Variants in PELI2 observed in about 807,000 individuals in gnomAD.
The protein encoded by PELI2 is pellino E3 ubiquitin protein ligase family member 2.
PELI2 carries 23 observed loss-of-function variants against 42.3 expected under a neutral mutation model. That is an observed-to-expected ratio of 0.54 (90% CI 0.39 to 0.77). PELI2 has a LOEUF of 0.77. Among genes scored for constraint, PELI2 ranks in the 30% least tolerant of loss-of-function variants. PELI2 has a pLI of 0.00. For synonymous variants in PELI2, 245 were observed against 212.2 expected (o/e 1.15, Z -1.34); for missense variants, 463 against 553.2 (o/e 0.84, Z 1.64).
chr14:56,292,776 A>G, intron 5 of PELI2: 1 of 978,716 alleles, frequency 1.0e-6, no homozygotes, highest in Non-Finnish European at 1.2e-6. Flanking sequence ...AATATGGGGG[A>G]AATGTCTTTT....
At chr14:56,158,525 A>G (rs1426119930) in intron 1 of PELI2, among the ~76,000 whole-genome samples, 1 of 151,436 alleles carries the variant, frequency 6.6e-6, no homozygotes, top group African/African-American at 2.4e-5. Context: ...TATTTTATTT[A>G]TTTACTTTTT....
chr14:56,294,769 C>G (rs1889945151), intron 5 of PELI2, among the ~76,000 whole-genome samples: 1 of 152,170 alleles, frequency 6.6e-6, no homozygotes, highest in Non-Finnish European at 1.5e-5. Flanking sequence ...ATTACCACCA[C>G]CGATACTCTG....
intron 4 of PELI2, among the ~76,000 whole-genome samples, chr14:56,289,139 A>G (rs1311362929): frequency 1.3e-5 from 2 of 152,218 alleles, no homozygotes; most frequent in Admixed American, 6.5e-5. Flanking sequence ...ATCCAGGTTT[A>G]ACATAGTTTC....
At chr14:56,231,346 A>T (rs1162660097) in intron 2 of PELI2, among the ~76,000 whole-genome samples, 1 of 152,186 alleles carries the variant, frequency 6.6e-6, no homozygotes, top group Non-Finnish European at 1.5e-5. Flanking sequence ...AAAACTGACC[A>T]CATAGCTGGA....
At chr14:56,236,583 A>G (rs1264616808) in intron 2 of PELI2, among the ~76,000 whole-genome samples, 1 of 152,052 alleles carries the variant, frequency 6.6e-6, no homozygotes, top group Admixed American at 6.6e-5. Flanking sequence ...CTCATGGTGC[A>G]TTGGTTTTTG....
intron 1 of PELI2, among the ~76,000 whole-genome samples, chr14:56,171,355 A>G (rs1885162219): frequency 1.3e-5 from 2 of 152,136 alleles, no homozygotes. Flanking sequence ...CCACCATGGG[A>G]TGAAACATCT....
rs1046307054 is a variant in PELI2, at chr14:56,156,123, A to G, written c.78-22212A>G. ...AAATATTGTTTTATTCTTGGTTCTT[A>G]AAAACAGTAATCTGGAATAATAAAG... On this transcript the variant is annotated intron_variant, in intron 1 of 5. Transcript: ENST00000267460. Among the ~76,000 whole-genome samples the G allele has an allele frequency of 2.0e-5, 3 of 152,168 alleles. No homozygotes were observed. The East Asian group carries it at 5.8e-4, about 29-fold the overall frequency.
intron 1 of PELI2, among the ~76,000 whole-genome samples, chr14:56,127,763 T>C (rs914055609): frequency 6.6e-6 from 1 of 152,192 alleles, no homozygotes; most frequent in South Asian, 2.1e-4. Context: ...CTTCTGAAAT[T>C]TCCCCAGATT....
intron 2 of PELI2, among the ~76,000 whole-genome samples, chr14:56,187,293 T>C (rs1289115622): frequency 1.3e-5 from 2 of 152,180 alleles, no homozygotes; most frequent in Non-Finnish European, 2.9e-5. Flanking sequence ...GAATATGATA[T>C]TTGCCAATAA....
rs547089321 is a variant in PELI2 at position 56,239,640 on chromosome 14, G to A, written c.208-40036G>A. 1.1e-4 allele frequency among the ~76,000 whole-genome samples: 17 copies of A among 152,240 alleles called. No homozygotes were observed. In the East Asian group the frequency reaches 2.7e-3, roughly 24 times the overall value. On this transcript the variant is annotated intron_variant, in intron 2 of 5. Transcript: ENST00000267460. ...TAAGCCTCCTGTTTATCCTGTTTGT[G>A]GATATGCATACAGACTAGACTGGAG...
At chr14:56,121,938 A>G (rs1163549355) in intron 1 of PELI2, among the ~76,000 whole-genome samples, 2 of 152,220 alleles carry the variant, frequency 1.3e-5, no homozygotes, top group Non-Finnish European at 2.9e-5. Flanking sequence ...GTGCGTAAAA[A>G]CAGAATGTTT....
At chr14:56,119,075 C>G (rs1279170697) in intron 1 of PELI2, 1 of 151,796 alleles carries the variant, frequency 6.6e-6, no homozygotes, top group South Asian at 2.1e-4. Flanking sequence ...TCCCGCGCGC[C>G]GCGTCCGGGC....
chr14:56,292,751 C>T (rs1889872954), intron 5 of PELI2: 8 of 977,208 alleles, frequency 8.2e-6, no homozygotes, highest in Non-Finnish European at 9.7e-6. Flanking sequence ...GTGTACTAAT[C>T]AACAAAATTA....
chr14:56,251,521 G>A lies in PELI2; in HGVS notation c.208-28155G>A, dbSNP rs540345441. Among the ~76,000 whole-genome samples the A allele has an allele frequency of 4.6e-5, 7 of 152,296 alleles. No homozygotes were observed. In the South Asian group the frequency reaches 1.4e-3, roughly 32 times the overall value. On this transcript the variant is annotated intron_variant, in intron 2 of 5. Transcript: ENST00000267460. Reference sequence around the variant, plus strand: ...TTGATCCTTGCAGCAGTTCGTTATTGTTACCCTGTTGGTTGATTGTTGTGA... The same window carrying A: ...TTGATCCTTGCAGCAGTTCGTTATTATTACCCTGTTGGTTGATTGTTGTGA...
chr14:56,218,930 G>T (rs1258601279), intron 2 of PELI2, among the ~76,000 whole-genome samples: 1 of 152,110 alleles, frequency 6.6e-6, no homozygotes, highest in Non-Finnish European at 1.5e-5. Context: ...GAAGGGGTTG[G>T]TCATGTAATG....
At chr14:56,145,564 T>C (rs1884083775) in intron 1 of PELI2, among the ~76,000 whole-genome samples, 1 of 152,228 alleles carries the variant, frequency 6.6e-6, no homozygotes, top group African/African-American at 2.4e-5. Context: ...TTAGGTTTTA[T>C]ACCTTTGAGA....
chr14:56,283,318 A>G (rs1049700360), intron 3 of PELI2, among the ~76,000 whole-genome samples: 1 of 152,210 alleles, frequency 6.6e-6, no homozygotes, highest in African/African-American at 2.4e-5. Flanking sequence ...CTCAAGATTT[A>G]ATAAAGTTCA....
chr14:56,248,900 T>G (rs545081962), intron 2 of PELI2, among the ~76,000 whole-genome samples: 1 of 152,144 alleles, frequency 6.6e-6, no homozygotes, highest in Non-Finnish European at 1.5e-5. Context: ...GAGGATATCA[T>G]GTTTCTTCTT....
intron 2 of PELI2, among the ~76,000 whole-genome samples, chr14:56,274,303 G>A (rs1889214330): frequency 6.6e-6 from 1 of 152,144 alleles, no homozygotes; most frequent in Admixed American, 6.5e-5. Context: ...TATAGAGCTT[G>A]AATTAAATGG....
Sources: gnomAD v4.1 joint callset for allele counts (sites outside exome capture counted in the v4.1 genomes callset) on GRCh38, gnomAD v4.1.1 for gene constraint, MANE v1.5 for transcripts, NCBI Gene and HGNC (gene_info 2026-07-23, HGNC 2026-07-21) for gene names.